GOLGA8B: variants seen among roughly 807,000 people sequenced by gnomAD.
The protein encoded by GOLGA8B is golgin subfamily A member 8B.
Under a neutral mutation model 15.6 loss-of-function variants are expected in GOLGA8B, and 1 was observed. The ratio of observed to expected loss-of-function variants is 0.06; its 90% CI spans 0.02 to 0.30. The LOEUF (loss-of-function observed/expected upper bound fraction) is 0.30. Among genes scored for constraint, GOLGA8B ranks in the 10% least tolerant of loss-of-function variants. The probability of loss-of-function intolerance (pLI) is 1.00; values close to 1 mark genes in which losing one functional copy is unlikely to be tolerated. For synonymous variants in GOLGA8B, 9 were observed against 80.3 expected (o/e 0.11, Z 4.75); for missense variants, 17 against 201.3 (o/e 0.08, Z 5.54).
At chr15:34,565,073 C>T (rs1374469825) in intron 1 of GOLGA8B, among the ~76,000 whole-genome samples, 1 of 142,998 alleles carries the variant, frequency 7.0e-6, no homozygotes, top group Non-Finnish European at 1.6e-5. Context: ...CTCCAGTCCC[C>T]AAAAGGTGCT....
chr15:34,576,708 G>A (rs184252302), intron 1 of GOLGA8B, among the ~76,000 whole-genome samples: 3 of 152,278 alleles, frequency 2.0e-5, no homozygotes, highest in Admixed American at 1.3e-4. Context: ...CTGCCTCAGG[G>A]GCTCAGAATC....
rs1210144109 is a variant in GOLGA8B, at chr15:34,526,523, G to A, written c.*1109C>T. The A allele has an allele frequency of 6.7e-6, 1 of 148,768 alleles. No individual in the cohort carries two copies. The highest frequency in any genetic ancestry group is 2.5e-5 in the African/African-American group (1 of 40,190). 9.2% of individuals were successfully genotyped at this position (148,768 alleles called of 1,614,324 possible). A position where few individuals can be genotyped will look rare whatever the true frequency, so the allele number is the denominator to read the frequency against. ...AGAAGCTCCATGAACAGAGAGGAATGCCAGGTGTCACACAGCTTTCCTTCA... is the reference window on the plus strand; with the variant it reads ...AGAAGCTCCATGAACAGAGAGGAATACCAGGTGTCACACAGCTTTCCTTCA... On this transcript the variant is annotated 3_prime_UTR_variant, in exon 24 of 24. Transcript: ENST00000683415.
At chr15:34,583,243 G>C (rs967496655) in intron 1 of GOLGA8B, among the ~76,000 whole-genome samples, 6 of 151,842 alleles carry the variant, frequency 4.0e-5, no homozygotes, top group African/African-American at 1.5e-4. Flanking sequence ...AGCCCCTCCC[G>C]GGATGCGAGA....
At position 34,526,626 on chromosome 15, in the gene GOLGA8B, T is replaced by C. The variant is rs1059874; in HGVS notation, c.*1006A>G. The C allele has an allele frequency of 1.0e-4, 15 of 149,374 alleles. No homozygotes were observed. The highest frequency in any genetic ancestry group is 2.1e-4 in the South Asian group (1 of 4,666). 9.3% of individuals were successfully genotyped at this position (149,374 alleles called of 1,614,324 possible). A position where few individuals can be genotyped will look rare whatever the true frequency, so the allele number is the denominator to read the frequency against. ...CTCTTAAAGGATGTCTTATGATCTT[T>C]ACTAAATACATTAAGAAGAATGCCA... On this transcript the variant is annotated 3_prime_UTR_variant, in exon 24 of 24. Transcript: ENST00000683415.
chr15:34,580,815 C>T (rs1486263513), intron 1 of GOLGA8B, among the ~76,000 whole-genome samples: 1 of 152,106 alleles, frequency 6.6e-6, no homozygotes, highest in Admixed American at 6.5e-5. Flanking sequence ...TCCTGGTGAG[C>T]AACCATCTCA....
intron 1 of GOLGA8B, among the ~76,000 whole-genome samples, chr15:34,579,555 T>G (rs77828532): frequency 1.3e-5 from 2 of 152,196 alleles, no homozygotes; most frequent in African/African-American, 4.8e-5. Flanking sequence ...AGAAAGCTCA[T>G]TCTTTGGGCT....
intron 1 of GOLGA8B, among the ~76,000 whole-genome samples, chr15:34,567,916 T>C (rs1416192645): frequency 6.6e-6 from 1 of 151,754 alleles, no homozygotes; most frequent in East Asian, 1.9e-4. Context: ...TACCCCTTTT[T>C]CATCACTTGC....
At chr15:34,543,365 T>C (rs1358032237) in intron 7 of GOLGA8B, among the ~76,000 whole-genome samples, 1 of 147,618 alleles carries the variant, frequency 6.8e-6, no homozygotes, top group Non-Finnish European at 1.5e-5. Context: ...TCTTTTTTTT[T>C]TGGTGGTGGT....
intron 1 of GOLGA8B, among the ~76,000 whole-genome samples, chr15:34,577,950 C>A (rs1418809674): frequency 2.6e-5 from 4 of 152,182 alleles, no homozygotes; most frequent in Non-Finnish European, 4.4e-5. Context: ...AACTTTACGA[C>A]AATGTCACTA....
At chr15:34,582,933 C>T (rs1328869864) in intron 1 of GOLGA8B, 1 of 152,312 alleles carries the variant, frequency 6.6e-6, no homozygotes, top group Non-Finnish European at 1.5e-5. Context: ...TGCCTCCAAC[C>T]CGGCGCCTGC....
At chr15:34,583,333 G>A (rs1319228337) in intron 1 of GOLGA8B, among the ~76,000 whole-genome samples, 183 bp downstream of exon 1, 4 of 152,072 alleles carry the variant, frequency 2.6e-5, no homozygotes, top group African/African-American at 4.8e-5. Context: ...GGCCAGCCGG[G>A]CTGCACCCCT....
chr15:34,578,252 C>T (rs1243815867), intron 1 of GOLGA8B, among the ~76,000 whole-genome samples: 2 of 152,316 alleles, frequency 1.3e-5, no homozygotes, highest in East Asian at 3.9e-4. Flanking sequence ...CTTAGTGTCC[C>T]ACCAACCATG....
chr15:34,579,000 C>T (rs941349813), intron 1 of GOLGA8B, among the ~76,000 whole-genome samples: 3 of 152,132 alleles, frequency 2.0e-5, no homozygotes, highest in Admixed American at 2.0e-4. Context: ...GAAGCCACAC[C>T]ATGGAGTCCT....
intron 1 of GOLGA8B, among the ~76,000 whole-genome samples, chr15:34,575,305 C>G (rs973324823): frequency 1.3e-5 from 2 of 150,558 alleles, no homozygotes; most frequent in African/African-American, 4.9e-5. Flanking sequence ...CATGTCACAT[C>G]TTCTGCTCAT....
At chr15:34,565,270 G>T (rs1246916462) in intron 1 of GOLGA8B, among the ~76,000 whole-genome samples, 1 of 140,822 alleles carries the variant, frequency 7.1e-6, no homozygotes, top group African/African-American at 2.5e-5. Context: ...CTAGTAGCTG[G>T]GATTACAGGC....
intron 1 of GOLGA8B, among the ~76,000 whole-genome samples, chr15:34,574,668 A>G (rs1889019067): frequency 6.6e-6 from 1 of 152,156 alleles, no homozygotes; most frequent in South Asian, 2.1e-4. Context: ...ACATGGAAGT[A>G]ACAAAGGTAG....
In GOLGA8B at chr15:34,582,053, T is replaced by A. The variant is rs199972872; in HGVS notation, c.-1123+1463A>T. 2.6e-3 allele frequency among the ~76,000 whole-genome samples: 394 copies of A among 152,188 alleles called. 2 individuals are homozygous for A. Among genetic ancestry groups the A allele is most frequent in the Non-Finnish European group, 4.9e-3 (331 of 68,002 alleles). On this transcript the variant is annotated intron_variant, in intron 1 of 23. Coordinates refer to ENST00000683415, the MANE Select transcript of GOLGA8B (RefSeq NM_001023567.5). The stretch of plus-strand genomic sequence containing the variant: ...ACACCCCAGCCCTCCTGCCCCGCAG[T>A]TCCTAAGCTCAGGAGACCCTCTCCA...
chr15:34,573,977 A>G (rs62004898), intron 1 of GOLGA8B, among the ~76,000 whole-genome samples: 52,604 of 148,922 alleles, frequency 0.35, 9,269 homozygotes, highest in Admixed American at 0.44. Flanking sequence ...TGTTCAAAAG[A>G]AACAAGTGCA....
chr15:34,556,841 A>G lies in GOLGA8B; in HGVS notation c.-1122-2885T>C, dbSNP rs1183605971. ...GGTAGGACTCTAGCTGTCCCGGGGA[A>G]GGGAGCAGAGGGGCCCTAGAGCAAG... On this transcript the variant is annotated intron_variant, in intron 1 of 23. Coordinates refer to ENST00000683415, the MANE Select transcript of GOLGA8B (RefSeq NM_001023567.5). 12 of 634,320 alleles carry G rather than the reference A, an allele frequency of 1.9e-5. No individual in the cohort carries two copies. In the South Asian group the frequency reaches 2.1e-4, roughly 11 times the overall value. The allele number at this position is 634,320 out of a possible 1,614,324, so 39.3% of individuals were successfully genotyped here.
Sources: gnomAD v4.1 joint callset for allele counts (sites outside exome capture counted in the v4.1 genomes callset) on GRCh38, gnomAD v4.1.1 for gene constraint, MANE v1.5 for transcripts, NCBI Gene and HGNC (gene_info 2026-07-23, HGNC 2026-07-21) for gene names.